Variants in HSD17B4 observed in about 807,000 individuals in gnomAD.
The protein encoded by HSD17B4 is peroxisomal multifunctional enzyme type 2.
HSD17B4 carries 70 observed loss-of-function variants against 101.0 expected under a neutral mutation model. The ratio of observed to expected loss-of-function variants is 0.69; its 90% CI spans 0.57 to 0.85. HSD17B4 has a LOEUF of 0.85. HSD17B4 is among the 40% of genes least tolerant of loss of function. The probability of loss-of-function intolerance (pLI) is 0.00; values close to 1 mark genes in which losing one functional copy is unlikely to be tolerated. For synonymous variants in HSD17B4, 347 were observed against 297.1 expected (o/e 1.17, Z -1.73); for missense variants, 984 against 892.4 (o/e 1.10, Z -1.31).
At chr5:119,510,341 T>C (rs1752058117) in intron 16 of HSD17B4, among the ~76,000 whole-genome samples, 1 of 152,240 alleles carries the variant, frequency 6.6e-6, no homozygotes. Context: ...AGTATTTCTC[T>C]TATGCAAGAT....
At chr5:119,480,942 A>G (rs1259756852) in intron 8 of HSD17B4, among the ~76,000 whole-genome samples, 3 of 152,210 alleles carry the variant, frequency 2.0e-5, no homozygotes, top group African/African-American at 7.2e-5. Context: ...TCGGCTCACC[A>G]GCGGTCAGAG....
chr5:119,515,107 A>C, intron 17 of HSD17B4, 61 bp downstream of exon 17: 1 of 877,854 alleles, frequency 1.1e-6, no homozygotes, highest in Non-Finnish European at 2.0e-6. Flanking sequence ...TTTAATTTAT[A>C]GCTCTGATAC....
intron 13 of HSD17B4, among the ~76,000 whole-genome samples, chr5:119,501,133 A>C (rs963231180): frequency 3.3e-5 from 5 of 152,142 alleles, no homozygotes; most frequent in Admixed American, 3.3e-4. Flanking sequence ...AACAATGTAA[A>C]TGCAAAAAAT....
At chr5:119,494,886 G>C (rs1424861346) in intron 11 of HSD17B4, among the ~76,000 whole-genome samples, 10 of 152,118 alleles carry the variant, frequency 6.6e-5, no homozygotes, top group East Asian at 1.9e-4. Flanking sequence ...TTTTTTTCTA[G>C]TATAACTCAC....
At chr5:119,480,639 A>G (rs1413483914) in intron 8 of HSD17B4, among the ~76,000 whole-genome samples, 1 of 152,212 alleles carries the variant, frequency 6.6e-6, no homozygotes, top group Non-Finnish European at 1.5e-5. Context: ...CACCATTGTC[A>G]TTGATAATAT....
chr5:119,493,081 A>G (rs1750262098), intron 10 of HSD17B4: 1 of 152,228 alleles, frequency 6.6e-6, no homozygotes, highest in African/African-American at 2.4e-5. Context: ...TAAAAGCTAT[A>G]TCTGGCACTT....
intron 7 of HSD17B4, 31 bp downstream of exon 7, chr5:119,477,532 T>TATATC (rs752049313): frequency 6.8e-7 from 1 of 1,468,100 alleles, no homozygotes; most frequent in Non-Finnish European, 9.5e-7. Flanking sequence ...CAAGGGGGAT[T>TATATC]TAAGATGTTG....
chr5:119,542,139 C>CA lies in HSD17B4; in HGVS notation c.*146dup. 1 of 652,618 alleles carries CA rather than the reference C, an allele frequency of 1.5e-6. No individual in the cohort carries two copies. The allele number at this position is 652,618 out of a possible 1,614,324, so 40.4% of individuals were successfully genotyped here. The stretch of plus-strand genomic sequence containing the variant: ...CAGATATCAGATAACTGCAGATTTT[C>CA]ATTTTCTACTAATTTTTCATGTATC... On this transcript the variant is annotated 3_prime_UTR_variant, in exon 24 of 24. Transcript: ENST00000510025.
chr5:119,517,984 A>G (rs1225470682), intron 17 of HSD17B4, among the ~76,000 whole-genome samples: 3 of 152,110 alleles, frequency 2.0e-5, no homozygotes, highest in African/African-American at 7.2e-5. Context: ...GGGATTGTAA[A>G]CGCACCAATC....
At chr5:119,499,087 G>T in intron 12 of HSD17B4, among the ~76,000 whole-genome samples, 1 of 152,154 alleles carries the variant, frequency 6.6e-6, no homozygotes, top group East Asian at 1.9e-4. Context: ...CATACTGTCT[G>T]TTAGCAAGAA....
At chr5:119,512,179 A>C (rs950915942) in intron 16 of HSD17B4, among the ~76,000 whole-genome samples, 11 of 152,314 alleles carry the variant, frequency 7.2e-5, no homozygotes, top group African/African-American at 2.6e-4. Context: ...AGAGAACCAC[A>C]GTGAAGAAAA....
At chr5:119,456,644 G>C (rs1403945943) in intron 2 of HSD17B4, 1 of 461,198 alleles carries the variant, frequency 2.2e-6, no homozygotes, top group Non-Finnish European at 3.9e-6. Context: ...TGACTCAGGA[G>C]GCTGAGGTGG....
chr5:119,491,222 C>T (rs1179606761), intron 9 of HSD17B4, among the ~76,000 whole-genome samples: 1 of 152,090 alleles, frequency 6.6e-6, no homozygotes, highest in Non-Finnish European at 1.5e-5. Context: ...AAAACCACTG[C>T]TGATTTGTCT....
chr5:119,513,661 A>T (rs1368517068), intron 16 of HSD17B4, among the ~76,000 whole-genome samples: 1 of 152,148 alleles, frequency 6.6e-6, no homozygotes, highest in East Asian at 1.9e-4. Flanking sequence ...TCTTTTTAAT[A>T]TTGGGCAATA....
intron 2 of HSD17B4, among the ~76,000 whole-genome samples, chr5:119,466,569 C>G (rs1423108142): frequency 6.6e-6 from 1 of 152,162 alleles, no homozygotes; most frequent in South Asian, 2.1e-4. Flanking sequence ...CAGTTTTCCT[C>G]CAGTTTGTTG....
intron 2 of HSD17B4, among the ~76,000 whole-genome samples, chr5:119,467,197 T>C (rs75803804): frequency 0.041 from 6,244 of 152,286 alleles, 424 homozygotes; most frequent in African/African-American, 0.14. Context: ...TATGGTCTGT[T>C]GCGGAGAATG....
At chr5:119,470,183 C>T (rs183235876) in intron 2 of HSD17B4, among the ~76,000 whole-genome samples, 1 of 151,754 alleles carries the variant, frequency 6.6e-6, no homozygotes, top group Non-Finnish European at 1.5e-5. Flanking sequence ...CCCCATTGTA[C>T]TTGAATGTCT....
chr5:119,483,634 T>C lies in HSD17B4; in HGVS notation c.622+4613T>C, dbSNP rs1157901231. On this transcript the variant is annotated intron_variant, in intron 8 of 23. Coordinates refer to ENST00000510025, the MANE Select transcript of HSD17B4 (RefSeq NM_000414.4). ...TCTTTGTGTAAAAGGAAAGACTTTT[T>C]TGTGTAGCTTTCCAATATACATAAG... 2.0e-5 allele frequency among the ~76,000 whole-genome samples: 3 copies of C among 152,312 alleles called. No homozygotes were observed. In the South Asian group the frequency reaches 6.2e-4, roughly 32 times the overall value.
rs374265382 is a variant in HSD17B4, at chr5:119,538,501, T to C, written c.2121+1951T>C. Among the ~76,000 whole-genome samples the C allele has an allele frequency of 1.2e-4, 19 of 152,336 alleles. No individual in the cohort carries two copies. The East Asian group carries it at 2.5e-3, about 20-fold the overall frequency. On this transcript the variant is annotated intron_variant, in intron 23 of 23. Coordinates refer to ENST00000510025, the MANE Select transcript of HSD17B4 (RefSeq NM_000414.4). Reference sequence around the variant, plus strand: ...TAGTCATTTCTACTACTTTCATTAATTACTGGTTCATATTTATCATCCCAT... The same window carrying C: ...TAGTCATTTCTACTACTTTCATTAACTACTGGTTCATATTTATCATCCCAT...
Sources: gnomAD v4.1 joint callset for allele counts (sites outside exome capture counted in the v4.1 genomes callset) on GRCh38, gnomAD v4.1.1 for gene constraint, MANE v1.5 for transcripts, NCBI Gene and HGNC (gene_info 2026-07-23, HGNC 2026-07-21) for gene names.